The following CRACDL variants were observed in gnomAD, a reference collection of about 807,000 sequenced individuals.
CRACDL encodes the protein CRACD like.
A neutral mutation model predicts 70.6 loss-of-function variants in CRACDL; 26 were observed. The observed-to-expected ratio is 0.37, with a 90% CI of 0.27 to 0.51. CRACDL has a LOEUF of 0.51. Among genes scored for constraint, CRACDL ranks in the 20% least tolerant of loss-of-function variants. The probability of loss-of-function intolerance (pLI) is 0.94; values close to 1 mark genes in which losing one functional copy is unlikely to be tolerated. For missense variants in CRACDL, 1,283 were observed against 1,376.9 expected (o/e 0.93, Z 1.08); for synonymous variants, 618 against 615.2 (o/e 1.00, Z -0.07).
intron 1 of CRACDL, among the ~76,000 whole-genome samples, chr2:98,871,545 C>T (rs1707345880): frequency 6.6e-6 from 1 of 152,238 alleles, no homozygotes; most frequent in Admixed American, 6.5e-5. Context: ...ATGGCAGCTG[C>T]CTCCCAAGAA....
chr2:98,810,118 G>A (rs1704493731), intron 7 of CRACDL, among the ~76,000 whole-genome samples: 1 of 152,152 alleles, frequency 6.6e-6, no homozygotes. Context: ...GAACCCCAGG[G>A]CATGGGTATG....
chr2:98,877,884 G>A (rs1707529065), intron 1 of CRACDL, among the ~76,000 whole-genome samples: 1 of 151,838 alleles, frequency 6.6e-6, no homozygotes, highest in South Asian at 2.1e-4. Context: ...GTCACCCAGA[G>A]CAACTCCTCC....
intron 1 of CRACDL, among the ~76,000 whole-genome samples, chr2:98,921,219 A>G (rs999705173): frequency 1.3e-5 from 2 of 152,218 alleles, no homozygotes; most frequent in African/African-American, 4.8e-5. Flanking sequence ...CACAGAGCAG[A>G]TTCACCTGCA....
chr2:98,913,984 G>A (rs527364619), intron 1 of CRACDL, among the ~76,000 whole-genome samples: 20 of 152,352 alleles, frequency 1.3e-4, no homozygotes, highest in African/African-American at 3.8e-4. Context: ...CTGAATGCAT[G>A]GAAGCCTCGG....
At chr2:98,881,754 G>A (rs1415406262) in intron 1 of CRACDL, among the ~76,000 whole-genome samples, 1 of 152,216 alleles carries the variant, frequency 6.6e-6, no homozygotes, top group Admixed American at 6.5e-5. Context: ...GCCAACGAGT[G>A]TTTTCCGGGT....
intron 5 of CRACDL, among the ~76,000 whole-genome samples, chr2:98,830,334 C>T (rs1026911760): frequency 2.0e-5 from 3 of 152,090 alleles, no homozygotes; most frequent in African/African-American, 4.8e-5. Context: ...CTTTTTTCCA[C>T]AATAATCTTA....
chr2:98,859,163 C>T (rs775298911), intron 1 of CRACDL, among the ~76,000 whole-genome samples: 1 of 152,090 alleles, frequency 6.6e-6, no homozygotes, highest in Non-Finnish European at 1.5e-5. Flanking sequence ...AATACCAAAC[C>T]CAAAGACATC....
intron 1 of CRACDL, among the ~76,000 whole-genome samples, chr2:98,893,737 G>A (rs956370423): frequency 2.0e-5 from 3 of 152,140 alleles, no homozygotes; most frequent in Non-Finnish European, 4.4e-5. Context: ...GTAATTAAGC[G>A]ATAGTTAAAA....
chr2:98,845,026 G>A (rs577829846), intron 2 of CRACDL, among the ~76,000 whole-genome samples: 8 of 152,222 alleles, frequency 5.3e-5, no homozygotes, highest in African/African-American at 1.9e-4. Flanking sequence ...TCTTCTATTA[G>A]ACAGCCTACA....
chr2:98,850,337 A>T (rs1706431637), intron 1 of CRACDL, among the ~76,000 whole-genome samples: 1 of 152,254 alleles, frequency 6.6e-6, no homozygotes, highest in Admixed American at 6.5e-5. Context: ...AACACCCCAC[A>T]GCTGTGACAA....
At position 98,823,854 on chromosome 2, in the gene CRACDL, C is replaced by T. The variant is rs1278139908; in HGVS notation, c.736-317G>A. 1.3e-5 allele frequency among the ~76,000 whole-genome samples: 2 copies of T among 152,224 alleles called. No homozygotes were observed. Among genetic ancestry groups the T allele is most frequent in the South Asian group, 2.1e-4 (1 of 4,834 alleles). ...AACAGCAGCCAGTGTCTGCTATGCT[C>T]TGTGCTCCCACACTTGTTATTTCAT... On this transcript the variant is annotated intron_variant, in intron 6 of 9. Coordinates refer to ENST00000397899, the MANE Select transcript of CRACDL (RefSeq NM_207362.3). The surrounding 1 kb of genome is among the most constrained non-coding windows in gnomAD (Gnocchi z 4.0).
chr2:98,845,339 G>A (rs912980730), intron 2 of CRACDL, among the ~76,000 whole-genome samples: 1 of 151,942 alleles, frequency 6.6e-6, no homozygotes, highest in African/African-American at 2.4e-5. Flanking sequence ...TGGGACTACA[G>A]GTGTGTGCCA....
At chr2:98,801,138 C>G (rs1245273815) in intron 7 of CRACDL, among the ~76,000 whole-genome samples, 1 of 152,218 alleles carries the variant, frequency 6.6e-6, no homozygotes, top group Non-Finnish European at 1.5e-5. Flanking sequence ...CTGGTCTTTC[C>G]TTTTATTCTG....
chr2:98,897,448 T>C (rs1199471446), intron 1 of CRACDL: 3 of 1,251,614 alleles, frequency 2.4e-6, no homozygotes, highest in African/African-American at 1.5e-5. Context: ...ACCAGATTCA[T>C]TACATGGAGT....
Position 98,797,555 on chromosome 2 carries a change from A to C in CRACDL, c.2417-18T>G, listed in dbSNP as rs778246418. 2.5e-6 allele frequency: 4 copies of C among 1,611,494 alleles called. No homozygotes were observed. Among genetic ancestry groups the C allele is most frequent in the Non-Finnish European group, 3.4e-6 (4 of 1,179,268 alleles). On this transcript the variant is annotated intron_variant, in intron 7 of 9. Transcript: ENST00000397899. ...ACTCTTTTCTGTTGGGTAAAGGCAC[A>C]AGATTATAGAAACAGTCCTATTCCC...
chr2:98,839,337 T>C (rs1559226974), intron 2 of CRACDL, among the ~76,000 whole-genome samples: 1 of 152,250 alleles, frequency 6.6e-6, no homozygotes, highest in African/African-American at 2.4e-5. Flanking sequence ...TCTCACCTTC[T>C]AGTGTGGAAG....
intron 1 of CRACDL, among the ~76,000 whole-genome samples, chr2:98,847,577 C>T (rs948388053): frequency 6.6e-6 from 1 of 152,156 alleles, no homozygotes; most frequent in South Asian, 2.1e-4. Flanking sequence ...AATTCAGCTG[C>T]TTCCTGAATA....
intron 1 of CRACDL, among the ~76,000 whole-genome samples, chr2:98,908,168 G>T (rs902223998): frequency 7.9e-5 from 12 of 152,228 alleles, no homozygotes; most frequent in Non-Finnish European, 1.8e-4. Flanking sequence ...CTCCTTTCAT[G>T]TTCAAAGCTG....
Position 98,822,067 on chromosome 2 carries a change from G to A in CRACDL, c.2206C>T (p.Leu736Phe), listed in dbSNP as rs1209354087. The A allele has an allele frequency of 4.5e-6, 7 of 1,551,502 alleles. No individual in the cohort carries two copies. Residue 736 changes from leucine (L) to phenylalanine (F), a missense_variant, in exon 7 of 10, where the codon CTT becomes TTT. Coordinates refer to ENST00000397899, the MANE Select transcript of CRACDL (RefSeq NM_207362.3). The surrounding 1 kb of genome is among the most constrained non-coding windows in gnomAD (Gnocchi z 4.9). ...TCGCTGGGGGCCCTGGTGCCTCGAA[G>A]GGCGGGGGCCGTCCCGAGGGGACAC... is the stretch of plus-strand genomic sequence containing the variant. ...EKCPLGTAPA[L>F]RGTRAPSDQG...
Sources: gnomAD v4.1 joint callset for allele counts (sites outside exome capture counted in the v4.1 genomes callset) on GRCh38, gnomAD v4.1.1 for gene constraint, Gnocchi (gnomAD v3.1) non-coding constraint, MANE v1.5 for transcripts, NCBI Gene and HGNC (gene_info 2026-07-23, HGNC 2026-07-21) for gene names.